Variants in MYLK observed in about 807,000 individuals in gnomAD.
MYLK encodes the protein myosin light chain kinase.
MYLK carries 106 observed loss-of-function variants against 203.4 expected under a neutral mutation model. The ratio of observed to expected loss-of-function variants is 0.52; its 90% CI spans 0.45 to 0.61. MYLK has a LOEUF of 0.61. Ranked by LOEUF, MYLK falls within the 20% of genes least tolerant of loss-of-function variation. The pLI is 0.00. For synonymous variants in MYLK, 867 were observed against 959.5 expected, an observed-to-expected ratio of 0.90 and a Z score of 1.78; for missense variants, 2,072 against 2,442.3, an observed-to-expected ratio of 0.85 and a Z score of 3.20.
chr3:123,780,713 C>A (rs2064263396), intron 4 of MYLK, among the ~76,000 whole-genome samples: 1 of 152,178 alleles, frequency 6.6e-6, no homozygotes, highest in Admixed American at 6.5e-5. Context: ...TTTGGCATCA[C>A]GGGCTGACTG....
chr3:123,737,238 G>T, intron 8 of MYLK, 140 bp downstream of exon 8: 127 of 695,196 alleles, frequency 1.8e-4, no homozygotes, highest in Middle Eastern at 4.1e-4. Context: ...AAAAAAAAAA[G>T]ACCTGCCCCT....
At chr3:123,618,567 C>G (rs860224) in intron 33 of MYLK, 72 bp downstream of exon 33, 377,976 of 1,598,118 alleles carry the variant, frequency 0.24, 64,271 homozygotes, top group African/African-American at 0.76. Flanking sequence ...TTCTTGCCCA[C>G]GGTGCATGGT....
chr3:123,659,003 G>A (rs2059480056), intron 23 of MYLK, among the ~76,000 whole-genome samples: 1 of 152,212 alleles, frequency 6.6e-6, no homozygotes, highest in African/African-American at 2.4e-5. Flanking sequence ...GAGGCCTCCT[G>A]TGATGGAAGC....
intron 27 of MYLK, chr3:123,647,020 T>A: frequency 3.3e-6 from 2 of 605,396 alleles, no homozygotes. Flanking sequence ...GGGCTGGTGC[T>A]CAGAGGCTCA....
At chr3:123,740,613 A>C (rs949545119) in intron 5 of MYLK, among the ~76,000 whole-genome samples, 1 of 152,258 alleles carries the variant, frequency 6.6e-6, no homozygotes, top group Admixed American at 6.5e-5. Flanking sequence ...CAGTGCTGCC[A>C]CACTGAACAC....
chr3:123,645,649 C>G (rs1157084377), intron 27 of MYLK, among the ~76,000 whole-genome samples: 1 of 152,200 alleles, frequency 6.6e-6, no homozygotes, highest in Non-Finnish European at 1.5e-5. Context: ...TATTCACAGG[C>G]ATGAGTGAAA....
intron 20 of MYLK, among the ~76,000 whole-genome samples, chr3:123,674,281 C>T (rs1164175877): frequency 6.6e-6 from 1 of 152,138 alleles, no homozygotes; most frequent in Non-Finnish European, 1.5e-5. Flanking sequence ...TTCTACCTTC[C>T]CACCATCAGC....
Position 123,626,905 on chromosome 3 carries a change from T to C in MYLK, c.5151A>G (p.Pro1717=). 3 of 1,614,214 alleles carry C rather than the reference T, an allele frequency of 1.9e-6. No homozygotes were observed. The highest frequency in any genetic ancestry group is 2.5e-6 in the Non-Finnish European group (3 of 1,180,034). Residue 1717 remains proline, a synonymous_variant, in exon 31 of 34, where the codon CCA becomes CCG. Coordinates refer to ENST00000360304, the MANE Select transcript of MYLK (RefSeq NM_053025.4). The part of the protein sequence containing the change: ...RLDCTQCLQH[P]WLMKDTKNME... ...TGTTCTTGGTATCTTTCATTAGCCA[T>C]GGATGCTGAAGGCACTGCGTGCAGT...
chr3:123,664,143 A>G lies in MYLK; in HGVS notation c.3947T>C (p.Leu1316Pro). ...GTTGACCTGGGCCTGCCTGCTGCCC[A>G]GCTTGTTCTCCACCAGCAGTGTGTA... is the stretch of plus-strand genomic sequence containing the variant. ...GCYTLLVENK[L>P]GSRQAQVNLT... Residue 1316 changes from leucine (L) to proline (P), a missense_variant, in exon 23 of 34, where the codon CTG (leucine) becomes CCG (proline). Around this residue, in one of 3 missense-constraint regions of MYLK, gnomAD observed 524 missense variants for 782.4 expected, o/e 0.67. Transcript: ENST00000360304. 1 of 1,614,062 alleles carries G rather than the reference A, an allele frequency of 6.2e-7. No individual in the cohort carries two copies. Among genetic ancestry groups the G allele is most frequent in the South Asian group, 1.1e-5 (1 of 91,076 alleles).
At chr3:123,737,580 C>T (rs752320533) in intron 7 of MYLK, 37 bp from the exon 8 acceptor site, 13 of 1,613,086 alleles carry the variant, frequency 8.1e-6, no homozygotes, top group Non-Finnish European at 1.1e-5. Flanking sequence ...TCATACAAAT[C>T]TGCTCACCTT....
intron 28 of MYLK, 76 bp from the exon 29 acceptor site, chr3:123,638,270 G>C: frequency 6.2e-7 from 1 of 1,603,164 alleles, no homozygotes; most frequent in Non-Finnish European, 8.5e-7. Flanking sequence ...GCCCGAATCT[G>C]TGTGTTGACC....
At chr3:123,619,112 A>C (rs1450585832) in intron 32 of MYLK, among the ~76,000 whole-genome samples, 1 of 152,320 alleles carries the variant, frequency 6.6e-6, no homozygotes, top group African/African-American at 2.4e-5. Flanking sequence ...GCAGGACCTC[A>C]TCAGCCTTCC....
rs761473153 is a variant in MYLK, at chr3:123,700,810, C to A, written c.2658G>T (p.Ala886=). ...RVETRQHTEE[A]IRQQEVEQLD... ...GCTGCTCCACCTCCTGCTGGCGGATCGCCTCCTCAGTGTGCTGCCTCGTCT... is the reference window on the plus strand; with the variant it reads ...GCTGCTCCACCTCCTGCTGGCGGATAGCCTCCTCAGTGTGCTGCCTCGTCT... Residue 886 remains alanine, a synonymous_variant, in exon 18 of 34, where the codon GCG becomes GCT. Coordinates refer to ENST00000360304, the MANE Select transcript of MYLK (RefSeq NM_053025.4). 1 of 1,614,194 alleles carries A rather than the reference C, an allele frequency of 6.2e-7. No individual in the cohort carries two copies. Among genetic ancestry groups the A allele is most frequent in the South Asian group, 1.1e-5 (1 of 91,086 alleles).
chr3:123,636,071 G>A (rs554022341), intron 29 of MYLK, among the ~76,000 whole-genome samples: 4 of 152,356 alleles, frequency 2.6e-5, no homozygotes, highest in Admixed American at 1.3e-4. Context: ...CCAGAGGGCT[G>A]TGGGGGCCTG....
rs752250183 is a variant in MYLK at position 123,618,736 on chromosome 3, A to G, written c.5403T>C (p.Ala1801=). ...DVSQAFLEAV[A]EEKPHVKPYF... is the part of the protein sequence containing the mutation. ...AGGGTTTTACATGAGGCTTTTCCTC[A>G]GCAACAGCCTCAAGGAAAGCTTGGG... The change falls in exon 33 of 34, where the codon GCT becomes GCC. Residue 1801 remains alanine (A), a synonymous_variant. Coordinates refer to ENST00000360304, the MANE Select transcript of MYLK (RefSeq NM_053025.4). 6.2e-7 allele frequency: 1 copy of G among 1,614,214 alleles called. No individual in the cohort carries two copies. Among genetic ancestry groups the G allele is most frequent in the South Asian group, 1.1e-5 (1 of 91,090 alleles).
At position 123,732,935 on chromosome 3, in the gene MYLK, G is replaced by A. The variant is rs756058992; in HGVS notation, c.1477C>T (p.Gln493Ter). The A allele has an allele frequency of 6.2e-7, 1 of 1,614,204 alleles. No individual in the cohort carries two copies. Among genetic ancestry groups the A allele is most frequent in the South Asian group, 1.1e-5 (1 of 91,074 alleles). The stretch of plus-strand genomic sequence containing the variant: ...GTCCAGCTACAGGACAGCTGGCCTT[G>A]GGCGTTGGAAGCAGTGCAGCTGTAT... ...GTYSCTASNA[Q>*]GQLSCSWTLQ... The change falls in exon 11 of 34, where the codon CAA (glutamine) becomes TAA (stop). Residue 493 changes from glutamine (Q) to a stop codon, truncating the protein, a stop_gained. Coordinates refer to ENST00000360304, the MANE Select transcript of MYLK (RefSeq NM_053025.4). LOFTEE classifies it high-confidence loss of function.
chr3:123,665,211 T>G (rs1169166176), intron 22 of MYLK, among the ~76,000 whole-genome samples: 1 of 152,232 alleles, frequency 6.6e-6, no homozygotes, highest in African/African-American at 2.4e-5. Context: ...ACATTTCAAG[T>G]GCTCAATAGC....
intron 13 of MYLK, among the ~76,000 whole-genome samples, chr3:123,719,172 C>A (rs565478284): frequency 6.6e-6 from 1 of 152,178 alleles, no homozygotes; most frequent in African/African-American, 2.4e-5. Context: ...TGAGAAAGAG[C>A]CCCTGCATCT....
At chr3:123,635,109 C>T (rs2058590066) in intron 29 of MYLK, among the ~76,000 whole-genome samples, 1 of 152,220 alleles carries the variant, frequency 6.6e-6, no homozygotes, top group African/African-American at 2.4e-5. Flanking sequence ...CCTGGCCTCT[C>T]CATCTCTCAC....
Sources: allele counts gnomAD v4.1 joint callset (sites outside exome capture counted in the v4.1 genomes callset), GRCh38; gene constraint gnomAD v4.1.1; regional missense constraint gnomAD v4.1.1; transcripts MANE v1.5; gene names NCBI Gene and HGNC (gene_info 2026-07-23, HGNC 2026-07-21).